PDE1C: variants seen among roughly 807,000 people sequenced by gnomAD.
The protein encoded by PDE1C is dual specificity calcium/calmodulin-dependent 3',5'-cyclic nucleotide phosphodiesterase 1C.
In PDE1C, 62 loss-of-function variants were observed where a neutral mutation model predicts 93.1. The observed-to-expected ratio is 0.67, with a 90% CI of 0.54 to 0.82. PDE1C has a LOEUF of 0.82. PDE1C is among the 40% of genes least tolerant of loss of function. The pLI, the probability that PDE1C is intolerant of heterozygous loss-of-function variation, is 0.00. For synonymous variants in PDE1C, 325 were observed against 310.1 expected (o/e 1.05, Z -0.50); for missense variants, 742 against 884.6 (o/e 0.84, Z 2.04).
intron 2 of PDE1C, among the ~76,000 whole-genome samples, chr7:32,189,378 A>C (rs1225483177): frequency 6.6e-6 from 1 of 152,170 alleles, no homozygotes; most frequent in East Asian, 1.9e-4. Context: ...ATTTTTTAAA[A>C]ATTTTCTATA....
intron 1 of PDE1C, among the ~76,000 whole-genome samples, chr7:32,250,905 C>G (rs1030323320): frequency 6.6e-6 from 1 of 152,230 alleles, no homozygotes; most frequent in Non-Finnish European, 1.5e-5. Context: ...GCTTGCATTT[C>G]TGAATGGAAT....
intron 12 of PDE1C, 126 bp from the exon 13 acceptor site, chr7:31,825,113 G>T: frequency 8.4e-7 from 1 of 1,184,124 alleles, no homozygotes; most frequent in Non-Finnish European, 1.2e-6. Flanking sequence ...CTTATGTACT[G>T]TATGTATTCC....
At chr7:32,080,194 C>A (rs1193581424) in intron 3 of PDE1C, among the ~76,000 whole-genome samples, 1 of 151,950 alleles carries the variant, frequency 6.6e-6, no homozygotes, top group Non-Finnish European at 1.5e-5. Flanking sequence ...GTGGGGACAA[C>A]AGAAAAATAT....
chr7:32,055,070 T>C (rs910846676), intron 1 of PDE1C, among the ~76,000 whole-genome samples: 1 of 152,236 alleles, frequency 6.6e-6, no homozygotes, highest in African/African-American at 2.4e-5. Context: ...GTTATTCTTA[T>C]GGAAAGAATG....
chr7:32,424,640 T>C (rs1785494099), intron 1 of PDE1C, among the ~76,000 whole-genome samples: 1 of 152,076 alleles, frequency 6.6e-6, no homozygotes, highest in Admixed American at 6.6e-5. Context: ...ACCCTGTCTT[T>C]ACAAAAAATA....
intron 14 of PDE1C, among the ~76,000 whole-genome samples, chr7:31,821,557 A>G (rs1200739900): frequency 1.3e-5 from 2 of 152,142 alleles, no homozygotes; most frequent in East Asian, 3.9e-4. Context: ...GCCTGCCAAC[A>G]GGGAAGATTG....
At chr7:32,197,207 C>T (rs1477790968) in intron 2 of PDE1C, among the ~76,000 whole-genome samples, 1 of 152,054 alleles carries the variant, frequency 6.6e-6, no homozygotes, top group Non-Finnish European at 1.5e-5. Flanking sequence ...ATATGCTAAA[C>T]ATTATTAGTC....
rs543582801 is a variant in PDE1C at position 32,263,839 on chromosome 7, T to C, written c.85+34812A>G. Among the ~76,000 whole-genome samples, 8 of 152,354 alleles carry C rather than the reference T, an allele frequency of 5.3e-5. 1 individual carries two copies. In the South Asian group the frequency reaches 1.0e-3, roughly 20 times the overall value. ...GTGATTAGATTGAGGTTTTGTATTCTCAGCCAGAACTCAGCATAAACAATG... is the reference window on the plus strand; with the variant it reads ...GTGATTAGATTGAGGTTTTGTATTCCCAGCCAGAACTCAGCATAAACAATG... On this transcript the variant is annotated intron_variant, in intron 1 of 18. Transcript: ENST00000396193.
intron 2 of PDE1C, among the ~76,000 whole-genome samples, chr7:31,985,638 T>G (rs1251029182): frequency 6.6e-6 from 1 of 152,120 alleles, no homozygotes; most frequent in African/African-American, 2.4e-5. Context: ...GTTCTTATTG[T>G]TCAGTTCCCA....
intron 3 of PDE1C, chr7:32,169,749 A>G: frequency 4.4e-6 from 7 of 1,591,036 alleles, no homozygotes; most frequent in Non-Finnish European, 6.0e-6. Flanking sequence ...CCACAAGCAA[A>G]TAAGAAGGAA....
chr7:32,180,365 T>G (rs1803310427), intron 2 of PDE1C, among the ~76,000 whole-genome samples: 1 of 152,206 alleles, frequency 6.6e-6, no homozygotes, highest in African/African-American at 2.4e-5. Flanking sequence ...CCCAAAGACA[T>G]TAGGATTTAT....
At chr7:32,364,634 T>A (rs2128086115) in intron 1 of PDE1C, among the ~76,000 whole-genome samples, 1 of 152,312 alleles carries the variant, frequency 6.6e-6, no homozygotes, top group East Asian at 1.9e-4. Flanking sequence ...CGCAGCTGCA[T>A]CACTCCAGAT....
chr7:32,023,126 T>C (rs1330014084), intron 2 of PDE1C, among the ~76,000 whole-genome samples: 1 of 152,066 alleles, frequency 6.6e-6, no homozygotes, highest in Non-Finnish European at 1.5e-5. Flanking sequence ...AGTTATTGCC[T>C]TTAAAGAACT....
chr7:31,877,561 C>T (rs17160636), intron 5 of PDE1C, among the ~76,000 whole-genome samples: 1,516 of 151,506 alleles, frequency 0.01, 36 homozygotes, highest in East Asian at 0.072. Flanking sequence ...TGCTGAGTCT[C>T]GGTTTCTTCA....
At chr7:31,973,445 A>G (rs1201884190) in intron 2 of PDE1C, among the ~76,000 whole-genome samples, 1 of 152,210 alleles carries the variant, frequency 6.6e-6, no homozygotes, top group Non-Finnish European at 1.5e-5. Context: ...AAAAATAAGA[A>G]TGGAATTCAT....
intron 3 of PDE1C, among the ~76,000 whole-genome samples, chr7:32,146,799 T>A (rs937367009): frequency 1.3e-5 from 2 of 151,952 alleles, no homozygotes; most frequent in Non-Finnish European, 2.9e-5. Flanking sequence ...ATAGAAAAAA[T>A]GAGTTTTTAT....
chr7:32,025,058 G>C (rs1266673897), intron 2 of PDE1C, among the ~76,000 whole-genome samples: 2 of 152,086 alleles, frequency 1.3e-5, no homozygotes, highest in African/African-American at 4.8e-5. Context: ...ATCACTGACA[G>C]AAGAGGCAAA....
chr7:31,898,775 G>C (rs1472676508), intron 2 of PDE1C, among the ~76,000 whole-genome samples: 1 of 152,116 alleles, frequency 6.6e-6, no homozygotes, highest in Non-Finnish European at 1.5e-5. Context: ...ACCTCTCCCA[G>C]TAATCACAGA....
chr7:32,257,972 T>G (rs1809924678), intron 1 of PDE1C, among the ~76,000 whole-genome samples: 1 of 152,272 alleles, frequency 6.6e-6, no homozygotes, highest in African/African-American at 2.4e-5. Flanking sequence ...TCTATCCATC[T>G]ACCTGCTCAG....
Sources: allele counts gnomAD v4.1 joint callset (sites outside exome capture counted in the v4.1 genomes callset), GRCh38; gene constraint gnomAD v4.1.1; transcripts MANE v1.5; gene names NCBI Gene and HGNC (gene_info 2026-07-23, HGNC 2026-07-21).